The following C8orf74 variants were observed in gnomAD, a reference collection of about 807,000 sequenced individuals.
C8orf74 encodes the protein chromosome 8 open reading frame 74.
Under a neutral mutation model 22.2 loss-of-function variants are expected in C8orf74, and 29 were observed. That is an observed-to-expected ratio of 1.31 (90% CI 0.97 to 1.78). The LOEUF is 1.78. Among genes scored for constraint, C8orf74 ranks in the 40% most tolerant of loss-of-function variants. The pLI, the probability that C8orf74 is intolerant of heterozygous loss-of-function variation, is 0.00. For missense variants in C8orf74, 515 were observed against 369.9 expected, an observed-to-expected ratio of 1.39 and a Z score of -3.22; for synonymous variants, 255 against 163.1, an observed-to-expected ratio of 1.56 and a Z score of -4.30.
chr8:10,674,957 CT>C (rs1423928397), intron 2 of C8orf74, 119 bp downstream of exon 2: 10 of 800,710 alleles, frequency 1.2e-5, no homozygotes, highest in Non-Finnish European at 1.9e-5. Flanking sequence ...CCTTCCTGCC[CT>C]TCCCTGGCAT....
rs1481786299 is a variant in C8orf74, at chr8:10,697,807, C to T, written c.450C>T (p.Pro150=). Reference sequence around the variant, plus strand: ...TGGAGGTGTGCATGCCACCCCATCCCCTCCCGCTGGCCGAGGGCATGGACA... The same window carrying T: ...TGGAGGTGTGCATGCCACCCCATCCTCTCCCGCTGGCCGAGGGCATGGACA... ...AHLEVCMPPH[P]LPLAEGMDRD... is the part of the protein sequence containing the mutation. Residue 150 remains proline, a synonymous_variant, in exon 3 of 4, where the codon CCC becomes CCT. Coordinates refer to ENST00000304519, the MANE Select transcript of C8orf74 (RefSeq NM_001040032.2). 6.2e-7 allele frequency: 1 copy of T among 1,614,006 alleles called. No homozygotes were observed. The highest frequency in any genetic ancestry group is 1.7e-5 in the Admixed American group (1 of 60,030).
chr8:10,698,146 C>G, intron 3 of C8orf74, 141 bp downstream of exon 3: 1 of 808,188 alleles, frequency 1.2e-6, no homozygotes, highest in South Asian at 2.4e-5. Context: ...GAGTCTACCA[C>G]GAGCTTCGCG....
chr8:10,685,586 G>A (rs1799246487), intron 2 of C8orf74, among the ~76,000 whole-genome samples: 2 of 152,184 alleles, frequency 1.3e-5, no homozygotes, highest in Non-Finnish European at 2.9e-5. Flanking sequence ...GGAACACAGA[G>A]TAGTCAAATT....
chr8:10,698,366 C>G (rs2129059295), intron 3 of C8orf74, among the ~76,000 whole-genome samples: 1 of 152,180 alleles, frequency 6.6e-6, no homozygotes, highest in East Asian at 1.9e-4. Flanking sequence ...AAGACTCCAG[C>G]TTTGGAACTG....
chr8:10,687,482 C>G (rs1288343788), intron 2 of C8orf74, among the ~76,000 whole-genome samples: 1 of 151,934 alleles, frequency 6.6e-6, no homozygotes, highest in Non-Finnish European at 1.5e-5. Context: ...AAACCCCCAT[C>G]TCTACTAAAA....
At chr8:10,691,216 G>A (rs748975260) in intron 2 of C8orf74, 2 of 323,178 alleles carry the variant, frequency 6.2e-6, no homozygotes, top group Non-Finnish European at 1.2e-5. Context: ...TCTACACTTG[G>A]TTTGTATGAC....
intron 2 of C8orf74, among the ~76,000 whole-genome samples, chr8:10,683,869 C>T (rs1363719917): frequency 6.6e-6 from 1 of 152,212 alleles, no homozygotes; most frequent in Non-Finnish European, 1.5e-5. Context: ...GCGGCCGGTG[C>T]TTCTGGACAA....
intron 2 of C8orf74, among the ~76,000 whole-genome samples, chr8:10,677,298 C>G (rs1198842645): frequency 2.6e-5 from 4 of 152,146 alleles, no homozygotes; most frequent in Non-Finnish European, 5.9e-5. Flanking sequence ...AGCGTGTGGG[C>G]CCTGAGCATA....
At chr8:10,686,951 C>G (rs1231915155) in intron 2 of C8orf74, 8 of 363,048 alleles carry the variant, frequency 2.2e-5, no homozygotes, top group Non-Finnish European at 3.8e-5. Context: ...TTGGGTGGGG[C>G]CCCGTGCCCG....
intron 2 of C8orf74, among the ~76,000 whole-genome samples, chr8:10,681,330 T>A (rs1187753841): frequency 6.6e-6 from 1 of 151,974 alleles, no homozygotes; most frequent in Non-Finnish European, 1.5e-5. Flanking sequence ...CATCCAGCCA[T>A]CTCCCCCGGG....
rs1337742017 is a variant in C8orf74, at chr8:10,687,280, A to G, written c.242-10319A>G. ...TTGCCTCTATTTTACAGGTAAGAAC[A>G]CTGCTGCCCATGTCTCTTATACCAT... On this transcript the variant is annotated intron_variant, in intron 2 of 3. Transcript: ENST00000304519. 6 of 356,536 alleles carry G rather than the reference A, an allele frequency of 1.7e-5. No individual in the cohort carries two copies. In the East Asian group the frequency reaches 4.5e-4, roughly 27 times the overall value. The allele number at this position is 356,536 out of a possible 1,614,324, so 22.1% of individuals were successfully genotyped here.
Position 10,700,045 on chromosome 8 carries a change from C to G in C8orf74, c.649-190C>G, listed in dbSNP as rs988709567. On this transcript the variant is annotated intron_variant, in intron 3 of 3. Transcript: ENST00000304519. ...TCAGGAGAAGATGAGGACCTCCCCA[C>G]CCTCAGACCTCCCGCCCCTAGTTGG... Among the ~76,000 whole-genome samples the G allele has an allele frequency of 2.0e-5, 3 of 152,292 alleles. No individual in the cohort carries two copies. In the South Asian group the frequency reaches 6.2e-4, roughly 32 times the overall value.
At chr8:10,695,757 C>T (rs1191705269) in intron 2 of C8orf74, among the ~76,000 whole-genome samples, 3 of 152,158 alleles carry the variant, frequency 2.0e-5, no homozygotes, top group African/African-American at 7.2e-5. Context: ...CCGCATAGGG[C>T]CCCATGGAGG....
rs532656911 is a variant in C8orf74, at chr8:10,687,325, G to A, written c.242-10274G>A. On this transcript the variant is annotated intron_variant, in intron 2 of 3. Coordinates refer to ENST00000304519, the MANE Select transcript of C8orf74 (RefSeq NM_001040032.2). Reference sequence around the variant, plus strand: ...TACCATGGAATCAATATATGCAATGGTTTTTATTAAAAGTCTTGCATAATA... The same window carrying A: ...TACCATGGAATCAATATATGCAATGATTTTTATTAAAAGTCTTGCATAATA... 1.4e-3 allele frequency: 452 copies of A among 318,462 alleles called. 9 individuals are homozygous for A. The highest frequency in any genetic ancestry group is 0.011 in the South Asian group (443 of 40,366). The allele number at this position is 318,462 out of a possible 1,614,324, so 19.7% of individuals were successfully genotyped here.
In C8orf74 at chr8:10,697,679, CT is replaced by C. The variant is rs756814036; in HGVS notation, c.323del (p.Leu108ArgfsTer30). 5 of 1,613,930 alleles carry C rather than the reference CT, an allele frequency of 3.1e-6. No individual in the cohort carries two copies. In the Admixed American group the frequency reaches 6.7e-5, roughly 22 times the overall value. On this transcript the variant is annotated frameshift_variant, in exon 3 of 4. Coordinates refer to ENST00000304519, the MANE Select transcript of C8orf74 (RefSeq NM_001040032.2). LOFTEE classifies it high-confidence loss of function. ...GGGCCATTTCAACACCACCCACCTG[CT>C]GGCCCTCTGTGACTACTTCCACCAC... Reference protein sequence around the residue: ...YRGHFNTTHLLALCDYFHHTF... With the variant: ...YRGHFNTTHLXALCDYFHHTF...
chr8:10,681,555 A>C (rs558735212), intron 2 of C8orf74, among the ~76,000 whole-genome samples: 2 of 152,134 alleles, frequency 1.3e-5, no homozygotes, highest in African/African-American at 4.8e-5. Flanking sequence ...AGGTGGGGAC[A>C]GCCTCCCCTG....
intron 2 of C8orf74, among the ~76,000 whole-genome samples, chr8:10,678,034 C>T (rs1799068960): frequency 6.6e-6 from 1 of 152,236 alleles, no homozygotes; most frequent in Non-Finnish European, 1.5e-5. Context: ...AGTTCCTCCT[C>T]TCACTTTCGT....
intron 2 of C8orf74, among the ~76,000 whole-genome samples, chr8:10,679,596 T>C (rs1325062600): frequency 1.3e-5 from 2 of 152,156 alleles, no homozygotes; most frequent in Non-Finnish European, 2.9e-5. Context: ...ACTAAGCCTC[T>C]CCCCGTCCTT....
At chr8:10,685,082 C>G (rs1176307659) in intron 2 of C8orf74, among the ~76,000 whole-genome samples, 1 of 152,226 alleles carries the variant, frequency 6.6e-6, no homozygotes, top group Admixed American at 6.5e-5. Flanking sequence ...AACTTATGAA[C>G]TATTTATTTC....
Sources: gnomAD v4.1 joint callset for allele counts (sites outside exome capture counted in the v4.1 genomes callset) on GRCh38, gnomAD v4.1.1 for gene constraint, MANE v1.5 for transcripts, NCBI Gene and HGNC (gene_info 2026-07-23, HGNC 2026-07-21) for gene names.